NADK2: variants seen among roughly 807,000 people sequenced by gnomAD.
The protein encoded by NADK2 is NAD kinase 2, mitochondrial.
In NADK2, 35 loss-of-function variants were observed where a neutral mutation model predicts 62.1. The ratio of observed to expected loss-of-function variants is 0.56; its 90% CI spans 0.43 to 0.75. The LOEUF (loss-of-function observed/expected upper bound fraction) is 0.75, where lower values mean the gene tolerates loss of function less well. NADK2 is among the 30% of genes least tolerant of loss of function. NADK2 has a pLI of 0.00. For synonymous variants in NADK2, 205 were observed against 207.9 expected, an observed-to-expected ratio of 0.99 and a Z score of 0.12; for missense variants, 439 against 561.3, an observed-to-expected ratio of 0.78 and a Z score of 2.20.
rs553109645 is a variant in NADK2, at chr5:36,228,767, C to T, written c.301-1202G>A. ...CCAGGCAGCTGGGACTACAAGTGCACACCACCACAACCAGCTAATTTATTT... is the reference window on the plus strand; with the variant it reads ...CCAGGCAGCTGGGACTACAAGTGCATACCACCACAACCAGCTAATTTATTT... On this transcript the variant is annotated intron_variant, in intron 1 of 11. Coordinates refer to ENST00000381937, the MANE Select transcript of NADK2 (RefSeq NM_001085411.3). Among the ~76,000 whole-genome samples the T allele has an allele frequency of 8.3e-4, 125 of 151,298 alleles. 4 individuals are homozygous for T. The highest frequency in any genetic ancestry group is 6.3e-4 in the Non-Finnish European group (43 of 67,886).
chr5:36,238,609 C>A (rs1747994426), intron 1 of NADK2, among the ~76,000 whole-genome samples: 2 of 152,118 alleles, frequency 1.3e-5, no homozygotes, highest in South Asian at 4.1e-4. Flanking sequence ...ATCTAGAGTT[C>A]TAATTTGTGT....
chr5:36,197,620 G>C lies in NADK2; in HGVS notation c.1111C>G (p.Pro371Ala), dbSNP rs1244873652. 2.5e-6 allele frequency: 4 copies of C among 1,610,330 alleles called. No homozygotes were observed. In the Admixed American group the frequency reaches 5.0e-5, roughly 20 times the overall value. Residue 371 changes from proline (P) to alanine (A), a missense_variant, in exon 11 of 12, where the codon CCA becomes GCA. Transcript: ENST00000381937. ...NESLLYSPEE[P>A]KILFSIREPI... ...TCTCGAATACTGAAAAGTATTTTTG[G>C]TTCTTCCGGACTGTAGAGCAGTGAT...
chr5:36,195,025 C>T lies in NADK2; in HGVS notation c.*119G>A. 2 of 1,024,136 alleles carry T rather than the reference C, an allele frequency of 2.0e-6. No individual in the cohort carries two copies. The highest frequency in any genetic ancestry group is 2.6e-5 in the East Asian group (1 of 37,950). 63.4% of individuals were successfully genotyped at this position (1,024,136 alleles called of 1,614,324 possible). A position where few individuals can be genotyped will look rare whatever the true frequency, so the allele number is the denominator to read the frequency against. On this transcript the variant is annotated 3_prime_UTR_variant, in exon 12 of 12. Transcript: ENST00000381937. ...CAGAAGAATAATGCAAATCTCACTT[C>T]TGAGCCCACGGGCAAGCAGTCTCAA...
At chr5:36,216,584 G>A (rs956763339) in intron 6 of NADK2, among the ~76,000 whole-genome samples, 13 of 151,352 alleles carry the variant, frequency 8.6e-5, no homozygotes, top group South Asian at 2.1e-4. Context: ...TCTTTTTCTC[G>A]AACTACCATT....
intron 2 of NADK2, 67 bp downstream of exon 2, chr5:36,227,410 A>G: frequency 1.6e-6 from 1 of 633,914 alleles, no homozygotes; most frequent in South Asian, 5.0e-5. Context: ...ATGGGCTGCT[A>G]GTACAAAATA....
intron 11 of NADK2, among the ~76,000 whole-genome samples, 153 bp downstream of exon 11, chr5:36,197,388 C>A (rs1332240988): frequency 6.6e-6 from 1 of 152,054 alleles, no homozygotes; most frequent in Non-Finnish European, 1.5e-5. Context: ...GCCGGGTTAG[C>A]ATGATACCTT....
chr5:36,204,236 A>G (rs17279964), intron 8 of NADK2, among the ~76,000 whole-genome samples: 6,862 of 152,276 alleles, frequency 0.045, 230 homozygotes, highest in Non-Finnish European at 0.067. Flanking sequence ...ATAAACATAC[A>G]GAATCACAGA....
chr5:36,201,494 T>C lies in NADK2; in HGVS notation c.957-333A>G, dbSNP rs1039967861. Reference sequence around the variant, plus strand: ...TACAAAAATATTAGCTGAAATGCTGTTTATAACAGCAAAACAACTCAAATA... The same window carrying C: ...TACAAAAATATTAGCTGAAATGCTGCTTATAACAGCAAAACAACTCAAATA... On this transcript the variant is annotated intron_variant, in intron 8 of 11. Transcript: ENST00000381937. Among the ~76,000 whole-genome samples the C allele has an allele frequency of 3.3e-5, 5 of 151,998 alleles. No individual in the cohort carries two copies. In the East Asian group the frequency reaches 7.7e-4, roughly 23 times the overall value.
intron 4 of NADK2, among the ~76,000 whole-genome samples, chr5:36,222,445 A>T (rs985099894): frequency 1.3e-5 from 2 of 152,242 alleles, no homozygotes; most frequent in Non-Finnish European, 2.9e-5. Context: ...AAAGGATCCC[A>T]GGCTGATCCT....
intron 9 of NADK2, among the ~76,000 whole-genome samples, chr5:36,200,481 C>T (rs746572274): frequency 7.9e-5 from 12 of 151,926 alleles, no homozygotes; most frequent in African/African-American, 2.4e-4. Context: ...AGCCCCCCCT[C>T]GCCCTTATTA....
chr5:36,221,978 G>GAATC (rs1317912308), intron 4 of NADK2: 1 of 151,924 alleles, frequency 6.6e-6, no homozygotes, highest in Non-Finnish European at 1.5e-5. Flanking sequence ...TAAAATCACT[G>GAATC]AATCAATCAT....
At chr5:36,218,647 C>T (rs1747138412) in intron 5 of NADK2, among the ~76,000 whole-genome samples, 1 of 152,182 alleles carries the variant, frequency 6.6e-6, no homozygotes, top group African/African-American at 2.4e-5. Flanking sequence ...ACTATAAAAT[C>T]TAGTCCAAGT....
intron 7 of NADK2, chr5:36,208,637 G>A: frequency 6.5e-7 from 1 of 1,531,988 alleles, no homozygotes; most frequent in Middle Eastern, 1.7e-4. Flanking sequence ...TCCCTTTAGA[G>A]TGGGTATACT....
chr5:36,200,707 T>C (rs7720779), intron 9 of NADK2, among the ~76,000 whole-genome samples: 140,622 of 152,024 alleles, frequency 0.92, 65,532 homozygotes, highest in Non-Finnish European at 0.98. Context: ...GCTGTACATA[T>C]TACTGGCCCA....
intron 4 of NADK2, among the ~76,000 whole-genome samples, chr5:36,222,660 C>T (rs1183697916): frequency 6.6e-6 from 1 of 152,162 alleles, no homozygotes; most frequent in Admixed American, 6.6e-5. Context: ...ATTAGATCTG[C>T]ACTTTAGAAA....
intron 7 of NADK2, chr5:36,208,596 TA>T: frequency 6.8e-7 from 1 of 1,466,282 alleles, no homozygotes; most frequent in Non-Finnish European, 9.1e-7. Flanking sequence ...TCAGGGAAAT[TA>T]TTTTTTTAAG....
At chr5:36,233,711 CCT>C (rs1747794414) in intron 1 of NADK2, among the ~76,000 whole-genome samples, 1 of 151,898 alleles carries the variant, frequency 6.6e-6, no homozygotes, top group Non-Finnish European at 1.5e-5. Context: ...TAAATTCTTC[CCT>C]GTTATCTTTT....
chr5:36,208,777 A>G, intron 7 of NADK2: 1 of 841,134 alleles, frequency 1.2e-6, no homozygotes, highest in South Asian at 1.6e-5. Flanking sequence ...TGAGGCAGGA[A>G]TAATATTGCT....
Position 36,195,193 on chromosome 5 carries a change from A to G in NADK2, c.1280T>C (p.Met427Thr), listed in dbSNP as rs369290998. The change falls in exon 12 of 12, where the codon ATG becomes ACG. Residue 427 changes from methionine to threonine, a missense_variant. Met to Thr is a moderately conservative substitution (Grantham distance 81). Transcript: ENST00000381937. Reference protein sequence around the residue: ...FEFNDGAIASMMINKEDELRT... With the variant: ...FEFNDGAIASTMINKEDELRT... Reference sequence around the variant, plus strand: ...AAGCTCATCTTCTTTATTGATCATCATCGAAGCAATTGCACCATCATTAAA... The same window carrying G: ...AAGCTCATCTTCTTTATTGATCATCGTCGAAGCAATTGCACCATCATTAAA... 2.5e-6 allele frequency: 4 copies of G among 1,613,536 alleles called. No homozygotes were observed. The African/African-American group carries it at 5.3e-5, about 22-fold the overall frequency.
Sources: gnomAD v4.1 joint callset for allele counts (sites outside exome capture counted in the v4.1 genomes callset) on GRCh38, gnomAD v4.1.1 for gene constraint, MANE v1.5 for transcripts, NCBI Gene and HGNC (gene_info 2026-07-23, HGNC 2026-07-21) for gene names.